The following STK10 variants were observed in gnomAD, a reference collection of about 807,000 sequenced individuals.
The protein encoded by STK10 is serine/threonine kinase 10.
A neutral mutation model predicts 113.8 loss-of-function variants in STK10; 78 were observed. The observed-to-expected ratio is 0.69, with a 90% CI of 0.57 to 0.83. STK10 has a LOEUF of 0.83. STK10 is among the 40% of genes least tolerant of loss of function. The pLI is 0.00. For missense variants in STK10, 1,109 were observed against 1,280.1 expected (o/e 0.87, Z 2.04); for synonymous variants, 465 against 494.7 (o/e 0.94, Z 0.80).
chr5:172,117,607 G>A lies in STK10; in HGVS notation c.394C>T (p.Pro132Ser). Residue 132 changes from proline (P) to serine (S), a missense_variant, in exon 4 of 19, where the codon CCC becomes TCC. Physicochemically the swap from Pro to Ser is moderately conservative, Grantham distance 74. Coordinates refer to ENST00000176763, the MANE Select transcript of STK10 (RefSeq NM_005990.4). ...MLELDRGLTE[P>S]QIQVVCRQML... is the part of the protein sequence containing the mutation. ...TGGCGGCAAACCACCTGTATCTGGG[G>A]CTCCGTGAGGCCTCTGTCCAGCTCT... 1.9e-6 allele frequency: 3 copies of A among 1,614,080 alleles called. No individual in the cohort carries two copies. The highest frequency in any genetic ancestry group is 2.5e-6 in the Non-Finnish European group (3 of 1,180,016).
Position 172,093,772 on chromosome 5 carries a change from A to G in STK10, c.1194T>C (p.Pro398=). ...GCACTGCCAGGCCGTTCTCATTTCC[A>G]GGGGCCACGACTGGGGGACTGGTGG... ...LQTTSPPVVA[P]GNENGLAVPV... Residue 398 remains proline, a synonymous_variant, in exon 9 of 19, where the codon CCT becomes CCC. Transcript: ENST00000176763. The surrounding 1 kb of genome is among the most constrained non-coding windows in gnomAD (Gnocchi z 4.1). 1 of 1,610,760 alleles carries G rather than the reference A, an allele frequency of 6.2e-7. No individual in the cohort carries two copies. The highest frequency in any genetic ancestry group is 2.2e-5 in the East Asian group (1 of 44,768).
chr5:172,078,947 C>CCA (rs57963957), intron 12 of STK10, among the ~76,000 whole-genome samples: 9,123 of 144,622 alleles, frequency 0.063, 305 homozygotes, highest in South Asian at 0.1. Context: ...TCTTATAAGT[C>CCA]CACACACACA....
intron 12 of STK10, among the ~76,000 whole-genome samples, chr5:172,069,357 C>G (rs1041365780): frequency 3.3e-5 from 5 of 152,052 alleles, no homozygotes; most frequent in African/African-American, 1.2e-4. Flanking sequence ...ATACTGTATG[C>G]AAACACTTAT....
At position 172,105,696 on chromosome 5, in the gene STK10, T is replaced by C. The variant is rs754082074; in HGVS notation, c.830A>G (p.Lys277Arg). 1 of 1,613,860 alleles carries C rather than the reference T, an allele frequency of 6.2e-7. No homozygotes were observed. The highest frequency in any genetic ancestry group is 1.7e-5 in the Admixed American group (1 of 60,012). ...FRDFLKIALD[K>R]NPETRPSAAQ... ...GGCACTGGGTCGGGTTTCTGGGTTC[T>C]TATCCAGGGCTATCTTCAGGAAGTC... Residue 277 changes from lysine to arginine, a missense_variant, in exon 7 of 19, where the codon AAG becomes AGG. Around this residue, in one of 5 missense-constraint regions of STK10, gnomAD observed 885 missense variants for 991.1 expected, o/e 0.89. Coordinates refer to ENST00000176763, the MANE Select transcript of STK10 (RefSeq NM_005990.4).
chr5:172,119,366 G>A (rs1165183801), intron 3 of STK10, among the ~76,000 whole-genome samples: 2 of 152,128 alleles, frequency 1.3e-5, no homozygotes, highest in Non-Finnish European at 2.9e-5. Flanking sequence ...AATGCAGTGG[G>A]TAGTCCACGA....
intron 1 of STK10, among the ~76,000 whole-genome samples, chr5:172,175,172 G>A (rs1463306879): frequency 1.3e-5 from 2 of 152,180 alleles, no homozygotes; most frequent in African/African-American, 4.8e-5. Flanking sequence ...GTGCCACCAC[G>A]CCTGGCTAAT....
intron 2 of STK10, among the ~76,000 whole-genome samples, chr5:172,151,642 C>T (rs1458726058): frequency 6.6e-6 from 1 of 152,212 alleles, no homozygotes; most frequent in Non-Finnish European, 1.5e-5. Context: ...CTGCGCCCGG[C>T]CCACTTCACA....
At chr5:172,147,551 C>A (rs1770110914) in intron 2 of STK10, among the ~76,000 whole-genome samples, 1 of 152,098 alleles carries the variant, frequency 6.6e-6, no homozygotes, top group Admixed American at 6.5e-5. Context: ...GTCACCATGC[C>A]CAGCTAATCT....
intron 1 of STK10, among the ~76,000 whole-genome samples, chr5:172,179,097 C>T (rs574667711): frequency 1.3e-5 from 2 of 152,346 alleles, no homozygotes; most frequent in African/African-American, 4.8e-5. Flanking sequence ...AGTGACAGGT[C>T]AGGAGCTTCT....
At chr5:172,180,463 T>C (rs776808803) in intron 1 of STK10, among the ~76,000 whole-genome samples, 7 of 151,210 alleles carry the variant, frequency 4.6e-5, no homozygotes, top group Non-Finnish European at 7.4e-5. Flanking sequence ...AGACTTCGTC[T>C]CAAAAAAGAA....
intron 12 of STK10, among the ~76,000 whole-genome samples, chr5:172,070,279 CTATATATA>C (rs750367073): frequency 1.3e-5 from 2 of 149,994 alleles, no homozygotes; most frequent in African/African-American, 4.9e-5. Flanking sequence ...ATCTATATAT[CTATATATA>C]TATGTTATTT....
At chr5:172,073,523 C>T (rs1408642589) in intron 12 of STK10, among the ~76,000 whole-genome samples, 2 of 151,988 alleles carry the variant, frequency 1.3e-5, no homozygotes. Flanking sequence ...GTCTCAAACT[C>T]CTGGCCTCAA....
chr5:172,105,590 C>G, intron 7 of STK10, 66 bp downstream of exon 7: 1 of 1,548,992 alleles, frequency 6.5e-7, no homozygotes, highest in Non-Finnish European at 8.9e-7. Flanking sequence ...GCCCAGCGTC[C>G]AGGTCACTGG....
intron 2 of STK10, among the ~76,000 whole-genome samples, chr5:172,149,602 C>T (rs914763447): frequency 6.6e-6 from 1 of 151,854 alleles, no homozygotes; most frequent in Admixed American, 6.6e-5. Flanking sequence ...TGCCAGGGAG[C>T]CCGAGGAAGA....
intron 2 of STK10, among the ~76,000 whole-genome samples, chr5:172,150,470 A>C (rs1353689326): frequency 2.0e-5 from 3 of 150,636 alleles, no homozygotes; most frequent in African/African-American, 7.4e-5. Flanking sequence ...AACAAGAGCG[A>C]AACAACACCT....
chr5:172,080,368 G>A (rs1321788047), intron 12 of STK10, among the ~76,000 whole-genome samples: 4 of 152,198 alleles, frequency 2.6e-5, no homozygotes, highest in Admixed American at 6.5e-5. Context: ...CAGGAGTTGC[G>A]TGTCTCTCAC....
chr5:172,164,169 G>A (rs936666159), intron 1 of STK10, among the ~76,000 whole-genome samples: 12 of 141,706 alleles, frequency 8.5e-5, no homozygotes, highest in Non-Finnish European at 1.5e-4. Flanking sequence ...CCAAGATAGC[G>A]CCATTGCACT....
At chr5:172,144,029 T>C (rs1476000427) in intron 2 of STK10, among the ~76,000 whole-genome samples, 1 of 152,224 alleles carries the variant, frequency 6.6e-6, no homozygotes, top group Non-Finnish European at 1.5e-5. Flanking sequence ...ATGGCTGCCA[T>C]TACTGAGCCG....
intron 1 of STK10, among the ~76,000 whole-genome samples, chr5:172,179,503 T>A (rs1306418775): frequency 1.3e-5 from 2 of 152,116 alleles, no homozygotes; most frequent in Non-Finnish European, 2.9e-5. Context: ...GGCGGGTCCA[T>A]CTGTTTGTTT....
Sources: allele counts gnomAD v4.1 joint callset (sites outside exome capture counted in the v4.1 genomes callset), GRCh38; gene constraint gnomAD v4.1.1; regional missense constraint gnomAD v4.1.1; non-coding constraint Gnocchi (gnomAD v3.1); transcripts MANE v1.5; gene names NCBI Gene and HGNC (gene_info 2026-07-23, HGNC 2026-07-21).